Variants in TMEM276 observed in about 807,000 individuals in gnomAD.
TMEM276 encodes transmembrane protein 276.
chr8:144,466,632 G>A, the TMEM276 span: 1 of 916,558 alleles, frequency 1.1e-6, no homozygotes, highest in Non-Finnish European at 1.5e-6. Context: ...CCGTGCCGAG[G>A]ACCCTCGGCT....
At chr8:144,463,849 T>C in the TMEM276 span, 2 of 1,336,020 alleles carry the variant, frequency 1.5e-6, no homozygotes, top group African/African-American at 1.5e-5. Context: ...CTAAGATTTA[T>C]TGGAGACTAG....
the TMEM276 span, chr8:144,465,025 A>G: frequency 6.5e-7 from 1 of 1,535,926 alleles, no homozygotes; most frequent in Non-Finnish European, 8.7e-7. Flanking sequence ...CCCAGGTTCC[A>G]GGTCCCCATT....
At chr8:144,465,007 C>A in the TMEM276 span, 1 of 1,541,290 alleles carries the variant, frequency 6.5e-7, no homozygotes, top group African/African-American at 1.4e-5. Context: ...GCGCGGCACT[C>A]TAGTAAGCCC....
At chr8:144,465,433 T>C in the TMEM276 span, 2 of 1,006,902 alleles carry the variant, frequency 2.0e-6, no homozygotes, top group South Asian at 7.7e-5. Context: ...CGGCCCTGCC[T>C]CCTCTGCCGT....
At chr8:144,466,090 C>G in the TMEM276 span, 1 of 152,070 alleles carries the variant, frequency 6.6e-6, no homozygotes, top group Admixed American at 6.6e-5. Flanking sequence ...GAAGGCTCCG[C>G]GAAACCGGAG....
chr8:144,464,535 T>G, the TMEM276 span: 4 of 1,612,180 alleles, frequency 2.5e-6, no homozygotes, highest in Non-Finnish European at 3.4e-6. Context: ...AGTCTTCGTG[T>G]GTGCTCAGCC....
At chr8:144,464,970 G>A in the TMEM276 span, 2 of 1,571,358 alleles carry the variant, frequency 1.3e-6, no homozygotes, top group African/African-American at 2.7e-5. Flanking sequence ...GGAAGGAAGC[G>A]CAGAAGCCAG....
the TMEM276 span, chr8:144,464,728 CCTCT>C: frequency 0.48 from 764,770 of 1,594,610 alleles, 189,526 homozygotes; most frequent in Admixed American, 0.55. Context: ...TTCCCACCAA[CCTCT>C]CTCTAATTCA....
At chr8:144,464,727 ACCTC>A in the TMEM276 span, 2 of 1,563,872 alleles carry the variant, frequency 1.3e-6, no homozygotes, top group Non-Finnish European at 1.7e-6. Context: ...CTTCCCACCA[ACCTC>A]TCTCTAATTC....
chr8:144,465,134 G>A, the TMEM276 span: 36 of 1,454,868 alleles, frequency 2.5e-5, no homozygotes, highest in South Asian at 3.5e-4. Context: ...CGGGAAACGG[G>A]GGAAAACGAC....
the TMEM276 span, chr8:144,464,342 C>A: frequency 6.2e-7 from 1 of 1,612,136 alleles, no homozygotes; most frequent in Non-Finnish European, 8.5e-7. Flanking sequence ...ACTGCGACCA[C>A]CAACAGCATT....
chr8:144,464,373 G>T, the TMEM276 span: 1 of 1,610,346 alleles, frequency 6.2e-7, no homozygotes, highest in South Asian at 1.1e-5. Context: ...CCACAGAGCG[G>T]CCCTCAGGGC....
chr8:144,466,728 C>A, the TMEM276 span: 6 of 1,489,932 alleles, frequency 4.0e-6, no homozygotes, highest in Non-Finnish European at 4.5e-6. Context: ...TGCCTGCCCC[C>A]CTCCTCAGGG....
the TMEM276 span, chr8:144,466,122 G>T: frequency 6.3e-6 from 1 of 157,728 alleles, no homozygotes; most frequent in African/African-American, 2.4e-5. Context: ...TACGCGGAGG[G>T]TGGGAGGGAT....
the TMEM276 span, chr8:144,464,135 AC>A: frequency 6.2e-7 from 1 of 1,608,838 alleles, no homozygotes; most frequent in Admixed American, 1.7e-5. Context: ...TGTCACTCCC[AC>A]TGGAGGCGCT....
chr8:144,464,514 T>A, the TMEM276 span: 1 of 1,612,258 alleles, frequency 6.2e-7, no homozygotes, highest in Non-Finnish European at 8.5e-7. Flanking sequence ...CCACCCAGGC[T>A]CCAGCAAGGC....
At chr8:144,466,995 C>T in the TMEM276 span, 1 of 1,597,136 alleles carries the variant, frequency 6.3e-7, no homozygotes, top group Admixed American at 1.7e-5. Flanking sequence ...GAAGGCGCAG[C>T]CGAGGGCCGC....
At chr8:144,466,745 C>T in the TMEM276 span, 15 of 1,521,104 alleles carry the variant, frequency 9.9e-6, no homozygotes, top group Middle Eastern at 4.6e-4. Context: ...AGGGGCGCCC[C>T]TGCCCCCTCC....
the TMEM276 span, chr8:144,464,425 A>T: frequency 2.5e-6 from 4 of 1,612,154 alleles, no homozygotes; most frequent in African/African-American, 4.0e-5. Flanking sequence ...GCCTCCTCCC[A>T]GGAGCAGGTT....
Sources: allele counts gnomAD v4.1 joint callset, GRCh38; gene constraint gnomAD v4.1.1; transcripts MANE v1.5; gene names NCBI Gene and HGNC (gene_info 2026-07-23, HGNC 2026-07-21).